Variants in FTO observed in about 807,000 individuals in gnomAD.
The protein encoded by FTO is FTO alpha-ketoglutarate dependent dioxygenase, also known as alpha-ketoglutarate-dependent dioxygenase FTO.
FTO carries 47 observed loss-of-function variants against 63.9 expected under a neutral mutation model. That is an observed-to-expected ratio of 0.74 (90% confidence interval 0.58 to 0.94). FTO has a LOEUF of 0.94. Among genes scored for constraint, FTO ranks in the 40% least tolerant of loss-of-function variants. The pLI is 0.00. For missense variants in FTO, 562 were observed against 618.1 expected, an observed-to-expected ratio of 0.91 and a Z score of 0.96; for synonymous variants, 207 against 224.4, an observed-to-expected ratio of 0.92 and a Z score of 0.69.
At chr16:53,953,350 A>T (rs1457412215) in intron 8 of FTO, among the ~76,000 whole-genome samples, 1 of 152,208 alleles carries the variant, frequency 6.6e-6, no homozygotes, top group African/African-American at 2.4e-5. Flanking sequence ...TCTTTCTGGC[A>T]GGCTGAGATG....
At chr16:53,911,168 T>C in intron 7 of FTO, 1 of 550,918 alleles carries the variant, frequency 1.8e-6, no homozygotes, top group East Asian at 2.9e-5. Flanking sequence ...CTCTCATATG[T>C]TAACTCAGGC....
chr16:53,722,046 T>G (rs2076052738), intron 1 of FTO, among the ~76,000 whole-genome samples: 1 of 152,194 alleles, frequency 6.6e-6, no homozygotes, highest in Non-Finnish European at 1.5e-5. Context: ...TTTTAATGAT[T>G]GTATGATCCA....
At chr16:53,764,525 G>A (rs2077149909) in intron 1 of FTO, among the ~76,000 whole-genome samples, 3 of 151,676 alleles carry the variant, frequency 2.0e-5, no homozygotes, top group Admixed American at 2.0e-4. Flanking sequence ...ACTTGTAGAG[G>A]CAAATGTGAT....
At chr16:53,923,956 C>T (rs866102486) in intron 7 of FTO, among the ~76,000 whole-genome samples, 3 of 151,794 alleles carry the variant, frequency 2.0e-5, no homozygotes, top group Admixed American at 6.6e-5. Context: ...TTTCTCTACT[C>T]GTAGAAGGAG....
rs970463371 is a variant in FTO, at chr16:54,116,868, G to C, written c.*4953G>C. 4 of 152,434 alleles carry C rather than the reference G, an allele frequency of 2.6e-5. No homozygotes were observed. Among genetic ancestry groups the C allele is most frequent in the African/African-American group, 9.7e-5 (4 of 41,440 alleles). 9.4% of individuals were successfully genotyped at this position (152,434 alleles called of 1,614,324 possible). On this transcript the variant is annotated 3_prime_UTR_variant, in exon 9 of 9. Transcript: ENST00000471389. ...CCCCAGATCCCGGCTAGAAGGACCAGACAGCTTTCCACCCCGGTTCCCAGG... is the reference window on the plus strand; with the variant it reads ...CCCCAGATCCCGGCTAGAAGGACCACACAGCTTTCCACCCCGGTTCCCAGG...
intron 4 of FTO, among the ~76,000 whole-genome samples, chr16:53,845,450 C>T (rs1457230170): frequency 1.3e-5 from 2 of 152,166 alleles, no homozygotes; most frequent in Non-Finnish European, 2.9e-5. Flanking sequence ...GCTCTTTAGG[C>T]CATTCTGCCA....
At chr16:53,848,853 C>T (rs1792922615) in intron 4 of FTO, among the ~76,000 whole-genome samples, 1 of 152,046 alleles carries the variant, frequency 6.6e-6, no homozygotes, top group Non-Finnish European at 1.5e-5. Flanking sequence ...GGGCAAAAAC[C>T]CTCTCTTCCT....
At chr16:54,068,963 A>G (rs2085796097) in intron 8 of FTO, among the ~76,000 whole-genome samples, 1 of 152,206 alleles carries the variant, frequency 6.6e-6, no homozygotes, top group Non-Finnish European at 1.5e-5. Context: ...TGCAGGCTGA[A>G]GTATCGTTTC....
intron 8 of FTO, among the ~76,000 whole-genome samples, chr16:54,098,915 C>T (rs140154096): frequency 3.1e-3 from 471 of 152,274 alleles, no homozygotes; most frequent in African/African-American, 9.2e-3. Context: ...TGTTGTAGTG[C>T]GTTTAAAAAT....
chr16:54,011,988 G>T (rs1165772832), intron 8 of FTO, among the ~76,000 whole-genome samples: 2 of 152,172 alleles, frequency 1.3e-5, no homozygotes, highest in African/African-American at 4.8e-5. Context: ...TCCTCCAAGT[G>T]TTCAAGTGAA....
At chr16:53,816,838 C>A (rs2078706676) in intron 2 of FTO, among the ~76,000 whole-genome samples, 1 of 152,186 alleles carries the variant, frequency 6.6e-6, no homozygotes, top group African/African-American at 2.4e-5. Context: ...GCTCACCTTG[C>A]TAGGACATGA....
intron 8 of FTO, among the ~76,000 whole-genome samples, chr16:54,040,941 C>T (rs1399981634): frequency 2.0e-5 from 3 of 152,154 alleles, no homozygotes; most frequent in Non-Finnish European, 4.4e-5. Flanking sequence ...GAGGCTTCTC[C>T]CCATTTTATT....
intron 8 of FTO, among the ~76,000 whole-genome samples, chr16:54,035,728 G>A (rs990903123): frequency 6.6e-6 from 1 of 152,110 alleles, no homozygotes; most frequent in Non-Finnish European, 1.5e-5. Context: ...GGAAAGTTTC[G>A]ATACTGACAA....
chr16:54,024,363 A>T (rs2084666486), intron 8 of FTO, among the ~76,000 whole-genome samples: 1 of 152,038 alleles, frequency 6.6e-6, no homozygotes, highest in Non-Finnish European at 1.5e-5. Flanking sequence ...AGCTGGGATT[A>T]CAGGTGCACA....
chr16:53,959,349 T>A lies in FTO; in HGVS notation c.1364+25240T>A, dbSNP rs1420573. ...CCTGAATGGGCTTGAATAGTTGCAG[T>A]CCTAACAAATTCTCAGGTGATGTGG... On this transcript the variant is annotated intron_variant, in intron 8 of 8. Transcript: ENST00000471389. Among the ~76,000 whole-genome samples the A allele has an allele frequency of 5.6e-4, 85 of 152,208 alleles. No homozygotes were observed. The East Asian group carries it at 0.015, about 27-fold the overall frequency.
chr16:53,889,445 G>A (rs2081092847), intron 7 of FTO, among the ~76,000 whole-genome samples: 1 of 152,214 alleles, frequency 6.6e-6, no homozygotes, highest in Non-Finnish European at 1.5e-5. Flanking sequence ...CACAGCTTAT[G>A]CTCTCAACCA....
intron 1 of FTO, among the ~76,000 whole-genome samples, chr16:53,740,218 T>G (rs1470355387): frequency 6.6e-6 from 1 of 152,154 alleles, no homozygotes; most frequent in African/African-American, 2.4e-5. Flanking sequence ...TAGAGTGGCT[T>G]TGTGACATTG....
At chr16:53,742,977 C>T (rs1413120291) in intron 1 of FTO, among the ~76,000 whole-genome samples, 1 of 151,980 alleles carries the variant, frequency 6.6e-6, no homozygotes, top group Non-Finnish European at 1.5e-5. Context: ...TCCAGTGTGC[C>T]TTAAAAAATA....
At chr16:53,983,909 CT>C (rs2083605596) in intron 8 of FTO, among the ~76,000 whole-genome samples, 1 of 152,148 alleles carries the variant, frequency 6.6e-6, no homozygotes, top group Non-Finnish European at 1.5e-5. Context: ...ATTTTGACAA[CT>C]AATATAAAAC....
Sources: gnomAD v4.1 joint callset for allele counts (sites outside exome capture counted in the v4.1 genomes callset) on GRCh38, gnomAD v4.1.1 for gene constraint, MANE v1.5 for transcripts, NCBI Gene and HGNC (gene_info 2026-07-23, HGNC 2026-07-21) for gene names.